Variants in TTC38 observed in about 807,000 individuals in gnomAD.
The protein encoded by TTC38 is tetratricopeptide repeat protein 38.
A neutral mutation model predicts 64.2 loss-of-function variants in TTC38; 64 were observed. That is an observed-to-expected ratio of 1.00 (90% confidence interval 0.81 to 1.23). The LOEUF (loss-of-function observed/expected upper bound fraction) is 1.23. Ranked by LOEUF, TTC38 falls within the 50% of genes most tolerant of loss-of-function variation. The pLI, the probability that TTC38 is intolerant of heterozygous loss-of-function variation, is 0.00. For missense variants in TTC38, 573 were observed against 615.5 expected, an observed-to-expected ratio of 0.93 and a Z score of 0.73; for synonymous variants, 254 against 249.3, an observed-to-expected ratio of 1.02 and a Z score of -0.18.
At position 46,282,755 on chromosome 22, in the gene TTC38, G is replaced by C. The variant is rs2077543837; in HGVS notation, c.735+1037G>C. ...ATCACGAGTCCAGTCTCCTGAGCTT[G>C]GAAATACCCTAGCAGGGGCCAGCTC... On this transcript the variant is annotated intron_variant, in intron 7 of 13. Coordinates refer to ENST00000381031, the MANE Select transcript of TTC38 (RefSeq NM_017931.4). This position sits in a 1 kb window ranked among gnomAD's most constrained non-coding sequence, Gnocchi z 4.4. 1.3e-5 allele frequency among the ~76,000 whole-genome samples: 2 copies of C among 152,070 alleles called. No individual in the cohort carries two copies. Among genetic ancestry groups the C allele is most frequent in the African/African-American group, 4.8e-5 (2 of 41,412 alleles).
At chr22:46,283,214 C>A (rs1204383253) in intron 7 of TTC38, among the ~76,000 whole-genome samples, 1 of 152,122 alleles carries the variant, frequency 6.6e-6, no homozygotes. Flanking sequence ...ACTGGGATTA[C>A]AGGCATGAGC....
At chr22:46,288,241 C>G (rs2077585307) in intron 10 of TTC38, among the ~76,000 whole-genome samples, 182 bp from the exon 11 acceptor site, 2 of 152,196 alleles carry the variant, frequency 1.3e-5, no homozygotes, top group Admixed American at 6.5e-5. Context: ...TATAATTAGA[C>G]AGTCCTGATA....
chr22:46,291,338 G>GGGCAGTGC lies in TTC38; in HGVS notation c.1317-1444_1317-1437dup, dbSNP rs1450513945. Reference sequence around the variant, plus strand: ...GGATGGAGCTGGGGTGACATCTGTGGGGCAGTGCGGCAGTGCCGATGTGGC... The same window carrying GGGCAGTGC: ...GGATGGAGCTGGGGTGACATCTGTGGGGCAGTGCGGCAGTGCGGCAGTGCCGATGTGGC... On this transcript the variant is annotated intron_variant, in intron 13 of 13. Transcript: ENST00000381031. The surrounding 1 kb of genome is among the most constrained non-coding windows in gnomAD (Gnocchi z 4.6). Among the ~76,000 whole-genome samples the GGGCAGTGC allele has an allele frequency of 6.6e-6, 1 of 152,174 alleles. No homozygotes were observed. Among genetic ancestry groups the GGGCAGTGC allele is most frequent in the Non-Finnish European group, 1.5e-5 (1 of 68,022 alleles).
chr22:46,287,632 A>G (rs907844345), intron 10 of TTC38, among the ~76,000 whole-genome samples: 1 of 152,222 alleles, frequency 6.6e-6, no homozygotes, highest in African/African-American at 2.4e-5. Flanking sequence ...TGAGGGCTCT[A>G]GCCAACCACT....
chr22:46,289,420 C>T lies in TTC38; in HGVS notation c.1101C>T (p.Cys367=). The stretch of plus-strand genomic sequence containing the variant: ...TTCGCAGATCCCCAGGGGAGAACTG[C>T]CAGCACCTCCTGGCCCGAGACGTGG... ...RDASESPGEN[C]QHLLARDVGL... is the part of the protein sequence containing the mutation. The change falls in exon 12 of 14, where the codon TGC becomes TGT. Residue 367 remains cysteine (C), a synonymous_variant. Coordinates refer to ENST00000381031, the MANE Select transcript of TTC38 (RefSeq NM_017931.4). 5.6e-6 allele frequency: 9 copies of T among 1,609,270 alleles called. No individual in the cohort carries two copies. The highest frequency in any genetic ancestry group is 6.8e-6 in the Non-Finnish European group (8 of 1,179,630).
Position 46,281,747 on chromosome 22 carries a change from C to T in TTC38, c.735+29C>T. On this transcript the variant is annotated intron_variant, in intron 7 of 13. Coordinates refer to ENST00000381031, the MANE Select transcript of TTC38 (RefSeq NM_017931.4). This position sits in a 1 kb window ranked among gnomAD's most constrained non-coding sequence, Gnocchi z 5.2. ...TGATGCTTGTCAATGGGTCACCTCC[C>T]TGGGAAATTCAGTGCATCCCCTTGA... 6.2e-7 allele frequency: 1 copy of T among 1,612,614 alleles called. No individual in the cohort carries two copies. The highest frequency in any genetic ancestry group is 1.3e-5 in the African/African-American group (1 of 75,036).
intron 6 of TTC38, among the ~76,000 whole-genome samples, chr22:46,279,249 C>T (rs1271388944): frequency 2.6e-5 from 4 of 152,154 alleles, no homozygotes; most frequent in East Asian, 1.9e-4. Flanking sequence ...CTGGGGGTCC[C>T]TCTCCTCTAC....
chr22:46,284,014 T>C lies in TTC38; in HGVS notation c.777T>C (p.Ala259=). The C allele has an allele frequency of 1.2e-6, 2 of 1,608,448 alleles. No individual in the cohort carries two copies. The highest frequency in any genetic ancestry group is 1.7e-5 in the Admixed American group (1 of 59,862). The change falls in exon 8 of 14, where the codon GCT becomes GCC. Residue 259 remains alanine, a synonymous_variant. Transcript: ENST00000381031. ...MLACHNYWHW[A]LYLIEKGEYE... is the part of the protein sequence containing the mutation. Reference sequence around the variant, plus strand: ...CTTGTCATAACTATTGGCACTGGGCTTTATATCTGATTGAGAAGGTAAGGT... The same window carrying C: ...CTTGTCATAACTATTGGCACTGGGCCTTATATCTGATTGAGAAGGTAAGGT...
In TTC38 at chr22:46,293,101, C is replaced by T. The variant is rs1481540881; in HGVS notation, c.*217C>T. On this transcript the variant is annotated 3_prime_UTR_variant, in exon 14 of 14. Transcript: ENST00000381031. This position sits in a 1 kb window ranked among gnomAD's most constrained non-coding sequence, Gnocchi z 6.6. Reference sequence around the variant, plus strand: ...TCGAGAAGGGCCAATGAGCATTTTTCAGCAGTCACAGCCAGTGTGAGTGCT... The same window carrying T: ...TCGAGAAGGGCCAATGAGCATTTTTTAGCAGTCACAGCCAGTGTGAGTGCT... 2.2e-5 allele frequency: 12 copies of T among 548,666 alleles called. No homozygotes were observed. The East Asian group carries it at 2.9e-4, about 13-fold the overall frequency. 34.0% of individuals were successfully genotyped at this position (548,666 alleles called of 1,614,324 possible).
At position 46,292,154 on chromosome 22, in the gene TTC38, T is replaced by C; in HGVS notation, c.1317-637T>C. On this transcript the variant is annotated intron_variant, in intron 13 of 13. Coordinates refer to ENST00000381031, the MANE Select transcript of TTC38 (RefSeq NM_017931.4). The surrounding 1 kb of genome is among the most constrained non-coding windows in gnomAD (Gnocchi z 6.5). ...GACCTTTCCTTTGAGTGCTAATTCT[T>C]TCACGTCTCTTCTTTCTTCTTTCTT... is the stretch of plus-strand genomic sequence containing the variant. 2.3e-6 allele frequency: 1 copy of C among 426,688 alleles called. No individual in the cohort carries two copies. The highest frequency in any genetic ancestry group is 1.8e-5 in the South Asian group (1 of 56,594). The allele number at this position is 426,688 out of a possible 1,614,324, so 26.4% of individuals were successfully genotyped here.
chr22:46,277,443 A>C (rs1455402704), intron 5 of TTC38, among the ~76,000 whole-genome samples: 2 of 152,058 alleles, frequency 1.3e-5, no homozygotes, highest in Non-Finnish European at 2.9e-5. Context: ...CGTCTCTACT[A>C]AAAATACCAA....
chr22:46,268,225 A>G (rs1409100550), intron 1 of TTC38, among the ~76,000 whole-genome samples, 153 bp downstream of exon 1: 1 of 152,136 alleles, frequency 6.6e-6, no homozygotes, highest in Admixed American at 6.5e-5. Flanking sequence ...CCTGGAAGGG[A>G]CCCGAGGCCC....
intron 2 of TTC38, among the ~76,000 whole-genome samples, chr22:46,269,910 A>G (rs928081293): frequency 6.6e-6 from 1 of 152,180 alleles, no homozygotes; most frequent in Non-Finnish European, 1.5e-5. Flanking sequence ...GCCCTGCCTC[A>G]GCCTCCGAAG....
chr22:46,269,006 T>C, intron 2 of TTC38: 1 of 351,056 alleles, frequency 2.8e-6, no homozygotes. Context: ...GCTTTTTAAA[T>C]TGCGCCATGA....
At chr22:46,268,103 C>T (rs770964175) in intron 1 of TTC38, 31 bp downstream of exon 1, 11 of 1,531,622 alleles carry the variant, frequency 7.2e-6, no homozygotes, top group African/African-American at 1.4e-5. Flanking sequence ...ACCAGGTCCC[C>T]CTCGGGCCCC....
rs61369977 is a variant in TTC38, at chr22:46,274,735, GTTTT to G, written c.366-501_366-498del. 1.4e-5 allele frequency among the ~76,000 whole-genome samples: 2 copies of G among 144,938 alleles called. No homozygotes were observed. The highest frequency in any genetic ancestry group is 6.9e-5 in the Admixed American group (1 of 14,424). ...TTATCTTTGGCAATTTGTTAAACCA[GTTTT>G]TTTTTTTTTTTAAATTGAACTAAAG... On this transcript the variant is annotated intron_variant, in intron 4 of 13. Coordinates refer to ENST00000381031, the MANE Select transcript of TTC38 (RefSeq NM_017931.4). The surrounding 1 kb of genome is among the most constrained non-coding windows in gnomAD (Gnocchi z 4.8).
In TTC38 at chr22:46,276,162, T is replaced by A. The variant is rs1937003353; in HGVS notation, c.539+741T>A. Among the ~76,000 whole-genome samples the A allele has an allele frequency of 6.6e-6, 1 of 151,990 alleles. No individual in the cohort carries two copies. Among genetic ancestry groups the A allele is most frequent in the South Asian group, 2.1e-4 (1 of 4,830 alleles). ...GACAGAGAGAGAGATGGAGATTTAT[T>A]TTAAGGAATTGGCTCATGTGAGTGT... On this transcript the variant is annotated intron_variant, in intron 5 of 13. Coordinates refer to ENST00000381031, the MANE Select transcript of TTC38 (RefSeq NM_017931.4). This position sits in a 1 kb window ranked among gnomAD's most constrained non-coding sequence, Gnocchi z 4.7.
chr22:46,278,281 C>T (rs2077507750), intron 5 of TTC38, among the ~76,000 whole-genome samples: 1 of 152,108 alleles, frequency 6.6e-6, no homozygotes, highest in Non-Finnish European at 1.5e-5. Flanking sequence ...TGGTGGTGCC[C>T]AGAGTTCCTT....
chr22:46,269,092 C>G lies in TTC38; in HGVS notation c.111+501C>G, dbSNP rs535436938. ...GGAGGGTGGGGACATATCTCTGCCC[C>G]CCCCCCACAGCGTCCTAAAAGGGCC... On this transcript the variant is annotated intron_variant, in intron 2 of 13. Transcript: ENST00000381031. The G allele has an allele frequency of 9.6e-4, 401 of 418,236 alleles. 9 individuals carry two copies. The highest frequency in any genetic ancestry group is 6.2e-3 in the South Asian group (356 of 57,446). The allele number at this position is 418,236 out of a possible 1,614,324, so 25.9% of individuals were successfully genotyped here.
Sources: allele counts gnomAD v4.1 joint callset (sites outside exome capture counted in the v4.1 genomes callset), GRCh38; gene constraint gnomAD v4.1.1; non-coding constraint Gnocchi (gnomAD v3.1); transcripts MANE v1.5; gene names NCBI Gene and HGNC (gene_info 2026-07-23, HGNC 2026-07-21).